Variants in PTPN4 observed in about 807,000 individuals in gnomAD.
PTPN4 encodes the protein tyrosine-protein phosphatase non-receptor type 4.
A neutral mutation model predicts 135.5 loss-of-function variants in PTPN4; 49 were observed. The ratio of observed to expected loss-of-function variants is 0.36; its 90% confidence interval spans 0.29 to 0.46. PTPN4 has a LOEUF of 0.46. Among genes scored for constraint, PTPN4 ranks in the 20% least tolerant of loss-of-function variants. The pLI, the probability that PTPN4 is intolerant of heterozygous loss-of-function variation, is 1.00. For synonymous variants in PTPN4, 333 were observed against 369.9 expected (o/e 0.90, Z 1.14); for missense variants, 860 against 1,101.0 (o/e 0.78, Z 3.10).
chr2:119,965,743 T>G, intron 25 of PTPN4, 98 bp downstream of exon 25: 2 of 1,373,950 alleles, frequency 1.5e-6, no homozygotes, highest in Non-Finnish European at 2.0e-6. Flanking sequence ...ATTGTCACTG[T>G]AATAATTAGA....
At position 119,764,750 on chromosome 2, in the gene PTPN4, C is replaced by T. The variant is rs1340476462; in HGVS notation, c.-18+4366C>T. 4.0e-5 allele frequency among the ~76,000 whole-genome samples: 6 copies of T among 151,336 alleles called. No homozygotes were observed. The South Asian group carries it at 1.0e-3, about 26-fold the overall frequency. ...TTTGTATTGTCTTATGAATTTAGTT[C>T]ATTTTTCAACAATGCTACTTTTAAA... On this transcript the variant is annotated intron_variant, in intron 1 of 26. Coordinates refer to ENST00000263708, the MANE Select transcript of PTPN4 (RefSeq NM_002830.4).
At chr2:119,942,567 T>A (rs1467434722) in intron 15 of PTPN4, among the ~76,000 whole-genome samples, 1 of 151,826 alleles carries the variant, frequency 6.6e-6, no homozygotes, top group Non-Finnish European at 1.5e-5. Context: ...TTCCTGGTTA[T>A]GACAACTGTA....
At chr2:119,927,994 A>G (rs971237053) in intron 13 of PTPN4, among the ~76,000 whole-genome samples, 8 of 152,212 alleles carry the variant, frequency 5.3e-5, no homozygotes, top group African/African-American at 1.9e-4. Flanking sequence ...ATCAAAGAGC[A>G]TAAAGAAAAT....
intron 1 of PTPN4, among the ~76,000 whole-genome samples, chr2:119,768,971 C>T (rs17049893): frequency 0.012 from 1,859 of 152,314 alleles, 39 homozygotes; most frequent in African/African-American, 0.043. Flanking sequence ...CATCTTTTCT[C>T]TCCTGTACTG....
intron 2 of PTPN4, among the ~76,000 whole-genome samples, chr2:119,816,904 T>C (rs550429096): frequency 1.1e-4 from 16 of 152,318 alleles, no homozygotes; most frequent in African/African-American, 3.8e-4. Context: ...CCACCATCAT[T>C]TGCAATCTCA....
chr2:119,877,289 A>G, intron 3 of PTPN4, 34 bp from the exon 4 acceptor site: 1 of 1,594,724 alleles, frequency 6.3e-7, no homozygotes, highest in Non-Finnish European at 8.5e-7. Flanking sequence ...TCCTCAAGGA[A>G]AAAAGAAATC....
At chr2:119,862,487 A>C in intron 2 of PTPN4, 49 bp from the exon 3 acceptor site, 1 of 1,511,098 alleles carries the variant, frequency 6.6e-7, no homozygotes, top group Non-Finnish European at 9.1e-7. Flanking sequence ...AATGTGAAGA[A>C]TGTAACCTAT....
chr2:119,885,920 G>A (rs769043780), intron 9 of PTPN4, 38 bp downstream of exon 9: 10 of 1,368,036 alleles, frequency 7.3e-6, no homozygotes, highest in Middle Eastern at 1.8e-4. Context: ...TGTTGAGTTA[G>A]GCTCCGTTAC....
chr2:119,795,605 C>T (rs1691241687), intron 1 of PTPN4, among the ~76,000 whole-genome samples: 1 of 152,234 alleles, frequency 6.6e-6, no homozygotes, highest in African/African-American at 2.4e-5. Context: ...CAGGGAGAGG[C>T]CAGGCAGTGG....
chr2:119,955,086 TG>T, intron 19 of PTPN4, 70 bp from the exon 20 acceptor site: 1 of 1,330,752 alleles, frequency 7.5e-7, no homozygotes, highest in Non-Finnish European at 1.0e-6. Context: ...ACAGTGTATC[TG>T]GTAAATTCCT....
chr2:119,835,704 TTAAA>T (rs1302284335), intron 2 of PTPN4, among the ~76,000 whole-genome samples: 1 of 152,126 alleles, frequency 6.6e-6, no homozygotes, highest in Non-Finnish European at 1.5e-5. Context: ...GCCCAACCTA[TTAAA>T]TAATTATGTT....
chr2:119,867,383 G>A (rs951315597), intron 3 of PTPN4, among the ~76,000 whole-genome samples: 2 of 152,114 alleles, frequency 1.3e-5, no homozygotes, highest in Non-Finnish European at 2.9e-5. Flanking sequence ...TCAGTTAGGA[G>A]ATAAAGTCAA....
At chr2:119,934,108 G>T (rs1371600050) in intron 14 of PTPN4, among the ~76,000 whole-genome samples, 2 of 152,110 alleles carry the variant, frequency 1.3e-5, no homozygotes, top group Non-Finnish European at 2.9e-5. Flanking sequence ...AATCTAAAAA[G>T]ATTTTTTAAA....
chr2:119,862,292 A>G (rs1016316361), intron 2 of PTPN4, among the ~76,000 whole-genome samples: 2 of 152,128 alleles, frequency 1.3e-5, no homozygotes, highest in African/African-American at 2.4e-5. Context: ...CATTGGTATG[A>G]AAACAGTTAC....
At chr2:119,938,594 G>C (rs1679018852) in intron 15 of PTPN4, among the ~76,000 whole-genome samples, 1 of 152,006 alleles carries the variant, frequency 6.6e-6, no homozygotes, top group Admixed American at 6.6e-5. Flanking sequence ...TATAAGCCCT[G>C]ATATTTACTA....
At chr2:119,820,100 A>T (rs910578269) in intron 2 of PTPN4, among the ~76,000 whole-genome samples, 2 of 152,132 alleles carry the variant, frequency 1.3e-5, no homozygotes, top group Non-Finnish European at 2.9e-5. Context: ...GTCTCAAGTG[A>T]TCCTCCCACC....
intron 11 of PTPN4, among the ~76,000 whole-genome samples, chr2:119,918,066 A>G (rs1678683362): frequency 6.6e-6 from 1 of 152,202 alleles, no homozygotes. Context: ...ATTTTCTGTT[A>G]TTTTGTGTAA....
chr2:119,939,631 C>T (rs990742349), intron 15 of PTPN4, among the ~76,000 whole-genome samples: 1 of 152,088 alleles, frequency 6.6e-6, no homozygotes, highest in Non-Finnish European at 1.5e-5. Flanking sequence ...TCCAGTTCCC[C>T]GAGCCATTCT....
rs1679716964 is a variant in PTPN4 at position 119,983,040 on chromosome 2, T to A, written c.*5970T>A. The A allele has an allele frequency of 6.6e-6, 1 of 152,186 alleles. No individual in the cohort carries two copies. The highest frequency in any genetic ancestry group is 1.5e-5 in the Non-Finnish European group (1 of 68,034). 9.4% of individuals were successfully genotyped at this position (152,186 alleles called of 1,614,324 possible). ...CTTGACTCAGTGAGGACTTCATTAT[T>A]TTTATTTCTCTTTCCACGTCTCCAA... On this transcript the variant is annotated 3_prime_UTR_variant, in exon 27 of 27. Transcript: ENST00000263708.
Sources: gnomAD v4.1 joint callset for allele counts (sites outside exome capture counted in the v4.1 genomes callset) on GRCh38, gnomAD v4.1.1 for gene constraint, MANE v1.5 for transcripts, NCBI Gene and HGNC (gene_info 2026-07-23, HGNC 2026-07-21) for gene names.